Variants in INVS observed in about 807,000 individuals in gnomAD.
The protein encoded by INVS is inversin.
Under a neutral mutation model 108.8 loss-of-function variants are expected in INVS, and 86 were observed. The ratio of observed to expected loss-of-function variants is 0.79; its 90% CI spans 0.66 to 0.95. The LOEUF (loss-of-function observed/expected upper bound fraction) is 0.95. INVS is among the 40% of genes least tolerant of loss of function. INVS has a pLI of 0.00. For missense variants in INVS, 1,169 were observed against 1,297.4 expected, an observed-to-expected ratio of 0.90 and a Z score of 1.52; for synonymous variants, 455 against 473.5, an observed-to-expected ratio of 0.96 and a Z score of 0.51.
intron 3 of INVS, among the ~76,000 whole-genome samples, chr9:100,196,194 A>G (rs1346605659): frequency 6.6e-6 from 1 of 152,092 alleles, no homozygotes; most frequent in African/African-American, 2.4e-5. Context: ...TAGACTTTTC[A>G]GATTTTATTT....
At chr9:100,216,920 C>G (rs1407048113) in intron 3 of INVS, among the ~76,000 whole-genome samples, 1 of 152,166 alleles carries the variant, frequency 6.6e-6, no homozygotes, top group Non-Finnish European at 1.5e-5. Flanking sequence ...CCTTGCCCAC[C>G]ACCTGGGCAT....
intron 3 of INVS, among the ~76,000 whole-genome samples, chr9:100,156,419 C>G (rs1032063504): frequency 6.6e-6 from 1 of 151,740 alleles, no homozygotes; most frequent in East Asian, 1.9e-4. Context: ...AGTCACTGCA[C>G]CTGGCTATTT....
At chr9:100,231,836 T>C (rs529836627) in intron 5 of INVS, among the ~76,000 whole-genome samples, 53 of 152,172 alleles carry the variant, frequency 3.5e-4, no homozygotes, top group Non-Finnish European at 6.8e-4. Context: ...GTCTTTATAG[T>C]AGAATGATTT....
At chr9:100,277,073 G>A (rs771512895) in intron 12 of INVS, among the ~76,000 whole-genome samples, 1 of 152,126 alleles carries the variant, frequency 6.6e-6, no homozygotes, top group African/African-American at 2.4e-5. Context: ...TCCCTTCTAC[G>A]AGAGATTGTT....
At chr9:100,180,452 C>T (rs1426636055) in intron 3 of INVS, among the ~76,000 whole-genome samples, 1 of 151,604 alleles carries the variant, frequency 6.6e-6, no homozygotes, top group African/African-American at 2.4e-5. Context: ...GGGATATAAC[C>T]ACTGATCCCA....
chr9:100,212,237 A>G (rs1830853038), intron 3 of INVS, among the ~76,000 whole-genome samples: 1 of 152,236 alleles, frequency 6.6e-6, no homozygotes, highest in Non-Finnish European at 1.5e-5. Context: ...TTTCTGCTCT[A>G]CATTTTATAT....
chr9:100,222,656 C>T (rs1221491799), intron 3 of INVS, among the ~76,000 whole-genome samples: 3 of 152,146 alleles, frequency 2.0e-5, no homozygotes, highest in Non-Finnish European at 2.9e-5. Flanking sequence ...TTTCCTTCTT[C>T]TCCTTCCCTT....
At position 100,104,521 on chromosome 9, in the gene INVS, T is replaced by A; in HGVS notation, c.-1T>A. The A allele has an allele frequency of 6.2e-7, 1 of 1,611,920 alleles. No individual in the cohort carries two copies. The highest frequency in any genetic ancestry group is 1.1e-5 in the South Asian group (1 of 91,048). ...AGGTTGCTCCGGTTGCTAAGAAGAC[T>A]ATGAACAAGTCAGAGAACCTGCTGT... On this transcript the variant is annotated 5_prime_UTR_variant, in exon 2 of 17. Coordinates refer to ENST00000262457, the MANE Select transcript of INVS (RefSeq NM_014425.5).
intron 2 of INVS, chr9:100,116,840 C>G (rs113537820): frequency 7.8e-7 from 1 of 1,282,334 alleles, no homozygotes; most frequent in Non-Finnish European, 1.1e-6. Context: ...GAATTCCTGA[C>G]AGGGAGACTT....
intron 1 of INVS, among the ~76,000 whole-genome samples, chr9:100,099,758 A>C (rs938283959): frequency 6.6e-6 from 1 of 152,150 alleles, no homozygotes; most frequent in African/African-American, 2.4e-5. Context: ...TATAATTACG[A>C]AATTCCCTAG....
chr9:100,230,859 T>G (rs1831490549), intron 5 of INVS, among the ~76,000 whole-genome samples: 1 of 152,238 alleles, frequency 6.6e-6, no homozygotes, highest in Non-Finnish European at 1.5e-5. Flanking sequence ...CCATGATATA[T>G]TAATTCTTAC....
chr9:100,252,202 A>C, intron 8 of INVS, 81 bp from the exon 9 acceptor site: 1 of 1,387,226 alleles, frequency 7.2e-7, no homozygotes, highest in Non-Finnish European at 1.0e-6. Context: ...TGGGGAAATC[A>C]AGAGAGGAAA....
chr9:100,218,041 C>A (rs1831042003), intron 3 of INVS, among the ~76,000 whole-genome samples: 1 of 151,784 alleles, frequency 6.6e-6, no homozygotes, highest in Non-Finnish European at 1.5e-5. Flanking sequence ...TTCTATTTTT[C>A]CATTTCAATT....
At chr9:100,123,474 TACA>T (rs1157485495) in intron 2 of INVS, among the ~76,000 whole-genome samples, 3 of 152,264 alleles carry the variant, frequency 2.0e-5, no homozygotes, top group African/African-American at 7.2e-5. Context: ...TGTAGAGCTA[TACA>T]ACATTTTGTT....
chr9:100,257,143 G>C (rs1017156217), intron 10 of INVS, among the ~76,000 whole-genome samples: 1 of 152,124 alleles, frequency 6.6e-6, no homozygotes, highest in Admixed American at 6.5e-5. Context: ...TTGTTGAATT[G>C]ATCCCTTTAC....
intron 3 of INVS, among the ~76,000 whole-genome samples, chr9:100,133,377 C>T (rs1828112799): frequency 6.6e-6 from 1 of 151,676 alleles, no homozygotes; most frequent in Non-Finnish European, 1.5e-5. Flanking sequence ...TGTGCACATA[C>T]ACTATTATGG....
chr9:100,235,274 TG>T (rs1831649362), intron 5 of INVS, among the ~76,000 whole-genome samples: 1 of 152,178 alleles, frequency 6.6e-6, no homozygotes, highest in Non-Finnish European at 1.5e-5. Flanking sequence ...GCACATGAGA[TG>T]GGTCTCTTGA....
intron 12 of INVS, 31 bp from the exon 13 acceptor site, chr9:100,284,289 T>G: frequency 6.2e-7 from 1 of 1,612,924 alleles, no homozygotes; most frequent in Non-Finnish European, 8.5e-7. Flanking sequence ...TCTTTAAATT[T>G]TTTCATCTTC....
chr9:100,276,752 A>G (rs926966385), intron 12 of INVS, among the ~76,000 whole-genome samples: 4 of 151,732 alleles, frequency 2.6e-5, no homozygotes, highest in African/African-American at 7.3e-5. Context: ...CAACCCACCC[A>G]CCTCAGCCTC....
Sources: allele counts gnomAD v4.1 joint callset (sites outside exome capture counted in the v4.1 genomes callset), GRCh38; gene constraint gnomAD v4.1.1; transcripts MANE v1.5; gene names NCBI Gene and HGNC (gene_info 2026-07-23, HGNC 2026-07-21).